The following PCDH7 variants were observed in gnomAD, a reference collection of about 807,000 sequenced individuals.
PCDH7 encodes protocadherin 7.
PCDH7 carries 17 observed loss-of-function variants against 58.9 expected under a neutral mutation model. The ratio of observed to expected loss-of-function variants is 0.29; its 90% CI spans 0.20 to 0.43. The LOEUF is 0.43. Ranked by LOEUF, PCDH7 falls within the 20% of genes least tolerant of loss-of-function variation. PCDH7 has a pLI of 1.00. For synonymous variants in PCDH7, 664 were observed against 616.4 expected (o/e 1.08, Z -1.14); for missense variants, 1,274 against 1,441.0 (o/e 0.88, Z 1.88).
chr4:31,034,744 A>G (rs578065843), intron 3 of PCDH7, among the ~76,000 whole-genome samples: 121 of 152,296 alleles, frequency 7.9e-4, no homozygotes, highest in African/African-American at 2.9e-3. Flanking sequence ...TGGCAGACCC[A>G]GAGGGCAGGG....
intron 1 of PCDH7, among the ~76,000 whole-genome samples, chr4:30,773,362 T>C (rs991624161): frequency 6.6e-6 from 1 of 152,222 alleles, no homozygotes; most frequent in Non-Finnish European, 1.5e-5. Context: ...TAAAAGTATG[T>C]GAAACATGGT....
intron 1 of PCDH7, among the ~76,000 whole-genome samples, chr4:30,852,280 A>G (rs140037038): frequency 6.6e-6 from 1 of 152,208 alleles, no homozygotes; most frequent in East Asian, 1.9e-4. Context: ...CCCTTTGTTT[A>G]TATGTAGATA....
intron 1 of PCDH7, among the ~76,000 whole-genome samples, chr4:30,868,395 A>G (rs759055906): frequency 3.8e-4 from 58 of 152,222 alleles, no homozygotes; most frequent in Middle Eastern, 3.4e-3. Context: ...TACGCTGCTG[A>G]CTTAAGTTCC....
At chr4:30,989,337 C>T (rs1751262647) in intron 3 of PCDH7, among the ~76,000 whole-genome samples, 1 of 152,108 alleles carries the variant, frequency 6.6e-6, no homozygotes, top group Non-Finnish European at 1.5e-5. Context: ...TGAATGGTAT[C>T]TCTCCAAATA....
chr4:31,094,780 C>A (rs1713732789), intron 3 of PCDH7, among the ~76,000 whole-genome samples: 1 of 152,078 alleles, frequency 6.6e-6, no homozygotes, highest in Admixed American at 6.6e-5. Context: ...TCCTGCAGCC[C>A]ATACACATTT....
intron 3 of PCDH7, among the ~76,000 whole-genome samples, chr4:31,075,515 T>C (rs1341643885): frequency 6.6e-6 from 1 of 152,204 alleles, no homozygotes; most frequent in African/African-American, 2.4e-5. Flanking sequence ...TCTGATTCTC[T>C]ATGTCTGAGA....
intron 3 of PCDH7, among the ~76,000 whole-genome samples, chr4:30,980,641 T>C (rs2109109628): frequency 6.6e-6 from 1 of 152,290 alleles, no homozygotes; most frequent in Non-Finnish European, 1.5e-5. Context: ...TATGTATAAT[T>C]CATTCATTGT....
intron 3 of PCDH7, among the ~76,000 whole-genome samples, chr4:30,975,682 C>G (rs765157117): frequency 2.0e-5 from 3 of 152,150 alleles, no homozygotes; most frequent in Admixed American, 6.5e-5. Flanking sequence ...ACAGCAGCTT[C>G]GAATTGGTTT....
At chr4:30,892,704 T>A (rs1578192961) in intron 1 of PCDH7, among the ~76,000 whole-genome samples, 1 of 152,196 alleles carries the variant, frequency 6.6e-6, no homozygotes, top group South Asian at 2.1e-4. Context: ...AGATGAATGA[T>A]GGCATAATAA....
At chr4:30,974,473 T>A (rs979209722) in intron 3 of PCDH7, among the ~76,000 whole-genome samples, 1 of 152,074 alleles carries the variant, frequency 6.6e-6, no homozygotes, top group Non-Finnish European at 1.5e-5. Context: ...TAATAGAGAC[T>A]TTCTTCCACC....
chr4:30,848,749 T>G (rs1029418818), intron 1 of PCDH7, among the ~76,000 whole-genome samples: 6 of 152,132 alleles, frequency 3.9e-5, no homozygotes, highest in Non-Finnish European at 8.8e-5. Flanking sequence ...CCTCTCCTTC[T>G]AACATTTTCT....
At chr4:31,030,384 C>G (rs1260478198) in intron 3 of PCDH7, among the ~76,000 whole-genome samples, 2 of 151,916 alleles carry the variant, frequency 1.3e-5, no homozygotes, top group African/African-American at 4.8e-5. Context: ...CAATAATAAC[C>G]CAAACTTTTG....
intron 3 of PCDH7, among the ~76,000 whole-genome samples, chr4:31,032,128 C>CTTCTTAAG (rs1754975116): frequency 6.6e-6 from 1 of 152,140 alleles, no homozygotes; most frequent in Non-Finnish European, 1.5e-5. Flanking sequence ...TGACAAACAA[C>CTTCTTAAG]TTCTTAAGAT....
At chr4:30,905,490 A>C (rs1740803243) in intron 1 of PCDH7, among the ~76,000 whole-genome samples, 1 of 152,238 alleles carries the variant, frequency 6.6e-6, no homozygotes, top group African/African-American at 2.4e-5. Context: ...CCACAAAAAT[A>C]AAAGAAACCT....
intron 1 of PCDH7, among the ~76,000 whole-genome samples, chr4:30,835,575 A>C (rs1730387627): frequency 6.6e-6 from 1 of 152,168 alleles, no homozygotes; most frequent in South Asian, 2.1e-4. Context: ...ATCCAATCAT[A>C]TGGAGGTCTC....
intron 3 of PCDH7, among the ~76,000 whole-genome samples, chr4:31,038,513 TAG>T (rs1755595367): frequency 6.6e-6 from 1 of 152,070 alleles, no homozygotes; most frequent in African/African-American, 2.4e-5. Flanking sequence ...AGAAAATAAA[TAG>T]AGTTTACTGC....
intron 3 of PCDH7, among the ~76,000 whole-genome samples, chr4:31,001,250 C>T (rs1752341051): frequency 6.6e-6 from 1 of 152,002 alleles, no homozygotes; most frequent in African/African-American, 2.4e-5. Context: ...ATTCCCAATA[C>T]ATAAAATAAT....
Position 30,927,332 on chromosome 4 carries a change from G to A in PCDH7, c.287+6963G>A, listed in dbSNP as rs981019672. On this transcript the variant is annotated intron_variant, in intron 2 of 3. Transcript: ENST00000509759. ...TGTGCTGTGAGGAGCCCGTCTGCCC[G>A]GCCACCACCCCGTCTGGGAGGTGTA... Among the ~76,000 whole-genome samples, 10 of 152,086 alleles carry A rather than the reference G, an allele frequency of 6.6e-5. No individual in the cohort carries two copies. In the South Asian group the frequency reaches 8.3e-4, roughly 13 times the overall value.
intron 1 of PCDH7, among the ~76,000 whole-genome samples, chr4:30,825,098 A>G (rs1728933947): frequency 1.3e-5 from 2 of 152,260 alleles, no homozygotes; most frequent in Non-Finnish European, 2.9e-5. Flanking sequence ...CCTGTTTTAG[A>G]CAATGGAGTA....
Sources: gnomAD v4.1 joint callset for allele counts (sites outside exome capture counted in the v4.1 genomes callset) on GRCh38, gnomAD v4.1.1 for gene constraint, MANE v1.5 for transcripts, NCBI Gene and HGNC (gene_info 2026-07-23, HGNC 2026-07-21) for gene names.